PSMD1: variants seen among roughly 807,000 people sequenced by gnomAD.
PSMD1 encodes 26S proteasome non-ATPase regulatory subunit 1.
A neutral mutation model predicts 119.0 loss-of-function variants in PSMD1; 18 were observed. The ratio of observed to expected loss-of-function variants is 0.15; its 90% CI spans 0.10 to 0.22. The LOEUF is 0.22. Ranked by LOEUF, PSMD1 falls within the 10% of genes least tolerant of loss-of-function variation. The probability of loss-of-function intolerance (pLI) is 1.00; values close to 1 mark genes in which losing one functional copy is unlikely to be tolerated. For missense variants in PSMD1, 702 were observed against 1,158.5 expected, an observed-to-expected ratio of 0.61 and a Z score of 5.72; for synonymous variants, 374 against 396.6, an observed-to-expected ratio of 0.94 and a Z score of 0.68.
chr2:231,157,983 A>C (rs1401956526), intron 19 of PSMD1, among the ~76,000 whole-genome samples: 1 of 152,096 alleles, frequency 6.6e-6, no homozygotes, highest in Non-Finnish European at 1.5e-5. Flanking sequence ...ACTGCGTTAG[A>C]AAAATTTGCA....
At position 231,096,883 on chromosome 2, in the gene PSMD1, A is replaced by G. The variant is rs138009690; in HGVS notation, c.1883+9702A>G. 7.9e-5 allele frequency among the ~76,000 whole-genome samples: 12 copies of G among 152,324 alleles called. No homozygotes were observed. In the East Asian group the frequency reaches 2.3e-3, roughly 29 times the overall value. On this transcript the variant is annotated intron_variant, in intron 16 of 24. Coordinates refer to ENST00000308696, the MANE Select transcript of PSMD1 (RefSeq NM_002807.4). ...AGTCAGGGCAGAGCAGGTAGCAGGT[A>G]ATTGGAATGAGTTAGGGTGGAGCAG... is the stretch of plus-strand genomic sequence containing the variant.
chr2:231,099,582 CTTGGGGTAT>C (rs1424940268), intron 16 of PSMD1, among the ~76,000 whole-genome samples: 1 of 152,108 alleles, frequency 6.6e-6, no homozygotes, highest in African/African-American at 2.4e-5. Flanking sequence ...CCCTGTCTTG[CTTGGGGTAT>C]TTCCCATCTT....
At position 231,060,553 on chromosome 2, in the gene PSMD1, GGA is replaced by G. The variant is rs1255886012; in HGVS notation, c.17-710_17-709del. Among the ~76,000 whole-genome samples the G allele has an allele frequency of 3.9e-5, 6 of 152,240 alleles. No individual in the cohort carries two copies. The East Asian group carries it at 1.2e-3, about 29-fold the overall frequency. ...ACTATATTTCAAGGTGTGTTCTTTT[GGA>G]GAGGACAATTATTCCTTTTACTCTC... On this transcript the variant is annotated intron_variant, in intron 1 of 24. Transcript: ENST00000308696.
chr2:231,121,785 A>G (rs542566852), intron 16 of PSMD1, among the ~76,000 whole-genome samples: 17 of 152,356 alleles, frequency 1.1e-4, no homozygotes, highest in Admixed American at 2.6e-4. Flanking sequence ...TTTTAAAGCT[A>G]AAATTCACTT....
intron 7 of PSMD1, 58 bp downstream of exon 7, chr2:231,072,473 G>C (rs1449651811): frequency 6.9e-7 from 1 of 1,444,480 alleles, no homozygotes; most frequent in Non-Finnish European, 9.6e-7. Flanking sequence ...TCATTTTGGG[G>C]ACAGGTAGAA....
intron 8 of PSMD1, 106 bp downstream of exon 8, chr2:231,075,677 T>G: frequency 1.0e-6 from 1 of 981,356 alleles, no homozygotes; most frequent in Non-Finnish European, 1.5e-6. Context: ...CCTCCCAGGC[T>G]CAAGCTTTCC....
intron 6 of PSMD1, among the ~76,000 whole-genome samples, chr2:231,071,310 AT>A (rs1694036530): frequency 6.6e-6 from 1 of 152,006 alleles, no homozygotes; most frequent in Admixed American, 6.5e-5. Flanking sequence ...CATTTTTAAA[AT>A]AATATATTTT....
chr2:231,113,089 G>A lies in PSMD1; in HGVS notation c.1884-25647G>A, dbSNP rs182244228. On this transcript the variant is annotated intron_variant, in intron 16 of 24. Coordinates refer to ENST00000308696, the MANE Select transcript of PSMD1 (RefSeq NM_002807.4). The stretch of plus-strand genomic sequence containing the variant: ...TGAGGTGGGAGGATCGCTTGAGCCC[G>A]GGAAGTCGAGGCAGCAGTGAACCAT... Among the ~76,000 whole-genome samples the A allele has an allele frequency of 3.0e-3, 461 of 152,166 alleles. 2 individuals carry two copies. Among genetic ancestry groups the A allele is most frequent in the African/African-American group, 0.01 (435 of 41,510 alleles).
At chr2:231,073,316 AAAGTGATCACATACTATTGGAG>A (rs1479916391) in intron 7 of PSMD1, among the ~76,000 whole-genome samples, 7 of 152,350 alleles carry the variant, frequency 4.6e-5, no homozygotes, top group Non-Finnish European at 1.0e-4. Flanking sequence ...ACACAAGGAC[AAAGTGATCACATACTATTGGAG>A]AAGTGGCTCC....
At chr2:231,153,418 G>A (rs1696413999) in intron 18 of PSMD1, 146 bp from the exon 19 acceptor site, 3 of 626,774 alleles carry the variant, frequency 4.8e-6, no homozygotes, top group African/African-American at 3.8e-5. Context: ...GAACTGCTCT[G>A]CCTTCAAGTC....
At position 231,165,315 on chromosome 2, in the gene PSMD1, T is replaced by C. The variant is rs777294185; in HGVS notation, c.2568+29T>C. On this transcript the variant is annotated intron_variant, in intron 22 of 24. Transcript: ENST00000308696. ...GGTATAAATTGGTGGTCATATGGATTGAAGTATCTCTGTCTCTGTCATGGT... is the reference window on the plus strand; with the variant it reads ...GGTATAAATTGGTGGTCATATGGATCGAAGTATCTCTGTCTCTGTCATGGT... 1.9e-6 allele frequency: 3 copies of C among 1,561,508 alleles called. No homozygotes were observed. The East Asian group carries it at 7.1e-5, about 37-fold the overall frequency.
intron 24 of PSMD1, among the ~76,000 whole-genome samples, chr2:231,171,499 C>T (rs574622863): frequency 1.3e-5 from 2 of 150,418 alleles, no homozygotes; most frequent in South Asian, 4.2e-4. Context: ...CATTGTGAGA[C>T]ATAATCAAGG....
At chr2:231,124,517 G>A (rs1336418025) in intron 16 of PSMD1, among the ~76,000 whole-genome samples, 2 of 151,742 alleles carry the variant, frequency 1.3e-5, no homozygotes, top group African/African-American at 4.8e-5. Context: ...TATGTAATTA[G>A]CTTTGTCTTA....
chr2:231,069,996 A>G, intron 5 of PSMD1, 29 bp from the exon 6 acceptor site: 1 of 1,349,312 alleles, frequency 7.4e-7, no homozygotes, highest in Non-Finnish European at 9.7e-7. Flanking sequence ...TAACCAGATA[A>G]CGTTATATCT....
intron 20 of PSMD1, among the ~76,000 whole-genome samples, chr2:231,161,734 G>A (rs529817489): frequency 6.6e-6 from 1 of 152,162 alleles, no homozygotes; most frequent in East Asian, 1.9e-4. Context: ...GTAATTAGTT[G>A]AGAAAGAATG....
intron 11 of PSMD1, 21 bp downstream of exon 11, chr2:231,079,635 T>C: frequency 2.1e-6 from 3 of 1,462,746 alleles, no homozygotes; most frequent in Non-Finnish European, 2.8e-6. Flanking sequence ...TTGGTCAGTG[T>C]ATACAGGCAT....
intron 17 of PSMD1, among the ~76,000 whole-genome samples, chr2:231,139,573 A>AG (rs1553566355): frequency 0.011 from 1,582 of 144,442 alleles, 44 homozygotes; most frequent in African/African-American, 0.038. Flanking sequence ...AAAAAAAAAA[A>AG]AAGAAGAAGA....
At chr2:231,139,829 T>C (rs79224586) in intron 17 of PSMD1, among the ~76,000 whole-genome samples, 12,572 of 152,136 alleles carry the variant, frequency 0.083, 654 homozygotes, top group South Asian at 0.2. Context: ...TCAAAAGTTA[T>C]AAAAAAAGAG....
intron 18 of PSMD1, among the ~76,000 whole-genome samples, chr2:231,148,468 G>C (rs1344638661): frequency 6.6e-6 from 1 of 152,192 alleles, no homozygotes; most frequent in Non-Finnish European, 1.5e-5. Context: ...TCCAGGAACT[G>C]TTATTGAACC....
Sources: gnomAD v4.1 joint callset for allele counts (sites outside exome capture counted in the v4.1 genomes callset) on GRCh38, gnomAD v4.1.1 for gene constraint, MANE v1.5 for transcripts, NCBI Gene and HGNC (gene_info 2026-07-23, HGNC 2026-07-21) for gene names.